ZNF536: variants seen among roughly 807,000 people sequenced by gnomAD.
ZNF536 encodes zinc finger protein 536.
In ZNF536, 13 loss-of-function variants were observed where a neutral mutation model predicts 84.5. The ratio of observed to expected loss-of-function variants is 0.15; its 90% confidence interval spans 0.10 to 0.24. The LOEUF (loss-of-function observed/expected upper bound fraction) is 0.24, where lower values mean the gene tolerates loss of function less well. ZNF536 is among the 10% of genes least tolerant of loss of function. The pLI, the probability that ZNF536 is intolerant of heterozygous loss-of-function variation, is 1.00. For missense variants in ZNF536, 1,536 were observed against 1,747.5 expected, an observed-to-expected ratio of 0.88 and a Z score of 2.16; for synonymous variants, 811 against 742.5, an observed-to-expected ratio of 1.09 and a Z score of -1.50.
At chr19:30,666,461 C>T (rs1264926034) in intron 1 of ZNF536, among the ~76,000 whole-genome samples, 2 of 152,060 alleles carry the variant, frequency 1.3e-5, no homozygotes, top group African/African-American at 2.4e-5. Context: ...CTGGGGATCC[C>T]GGCAGGCACT....
At chr19:30,664,770 G>A (rs2050255360) in intron 1 of ZNF536, among the ~76,000 whole-genome samples, 3 of 152,170 alleles carry the variant, frequency 2.0e-5, no homozygotes, top group Admixed American at 2.0e-4. Flanking sequence ...CAGTGTGGCT[G>A]GCATCAAAGA....
At chr19:30,646,852 T>A (rs191271903) in intron 1 of ZNF536, among the ~76,000 whole-genome samples, 1 of 152,272 alleles carries the variant, frequency 6.6e-6, no homozygotes, top group East Asian at 1.9e-4. Flanking sequence ...AGGCTATTGA[T>A]GTTGTATGTT....
At chr19:30,512,168 G>A (rs2055439354) in intron 2 of ZNF536, among the ~76,000 whole-genome samples, 1 of 152,128 alleles carries the variant, frequency 6.6e-6, no homozygotes, top group African/African-American at 2.4e-5. Context: ...TTAAAATTCA[G>A]AGAATTAGAA....
intron 4 of ZNF536, chr19:30,556,422 T>G (rs1404117942): frequency 1.3e-5 from 2 of 152,292 alleles, no homozygotes; most frequent in African/African-American, 4.8e-5. Flanking sequence ...TCCTGAGCCC[T>G]GCTGTGTGCA....
intron 2 of ZNF536, among the ~76,000 whole-genome samples, chr19:30,295,753 A>G (rs1306620110): frequency 6.6e-6 from 1 of 152,200 alleles, no homozygotes; most frequent in Non-Finnish European, 1.5e-5. Context: ...GTAGAAAAAA[A>G]TGTTTGAAAA....
At chr19:30,515,523 G>A (rs148713858) in intron 2 of ZNF536, among the ~76,000 whole-genome samples, 5 of 152,288 alleles carry the variant, frequency 3.3e-5, no homozygotes, top group Non-Finnish European at 2.9e-5. Context: ...GTCCCGTGCT[G>A]TTAGGACAGA....
chr19:30,630,359 G>A (rs1863949387), intron 1 of ZNF536, among the ~76,000 whole-genome samples: 1 of 152,140 alleles, frequency 6.6e-6, no homozygotes, highest in African/African-American at 2.4e-5. Flanking sequence ...GGATACATCA[G>A]TAAATAAAGC....
chr19:30,405,461 A>G (rs1600592965), intron 1 of ZNF536, among the ~76,000 whole-genome samples: 3 of 152,138 alleles, frequency 2.0e-5, no homozygotes, highest in Admixed American at 6.5e-5. Flanking sequence ...CCTGAACTCC[A>G]TAGGTTCTGA....
At chr19:30,572,308 A>T (rs191709196) in intron 1 of ZNF536, among the ~76,000 whole-genome samples, 1 of 152,264 alleles carries the variant, frequency 6.6e-6, no homozygotes, top group African/African-American at 2.4e-5. Context: ...AGGGGTGTTC[A>T]TCACACTAAG....
intron 1 of ZNF536, among the ~76,000 whole-genome samples, chr19:30,403,571 G>C (rs963261118): frequency 2.0e-5 from 3 of 152,176 alleles, no homozygotes; most frequent in Non-Finnish European, 2.9e-5. Flanking sequence ...TCTTTGGCTG[G>C]TCCAGGGCTA....
chr19:30,398,217 G>A (rs954688446), intron 1 of ZNF536, among the ~76,000 whole-genome samples: 3 of 152,000 alleles, frequency 2.0e-5, no homozygotes, highest in Admixed American at 6.6e-5. Flanking sequence ...ACACAGAAGT[G>A]CTCTTCACCA....
At chr19:30,667,004 C>T (rs1180142025) in intron 1 of ZNF536, among the ~76,000 whole-genome samples, 1 of 152,042 alleles carries the variant, frequency 6.6e-6, no homozygotes, top group African/African-American at 2.4e-5. Context: ...CTGAGTATCG[C>T]CTGACCCTTG....
chr19:30,606,780 G>T (rs2047908766), intron 1 of ZNF536, among the ~76,000 whole-genome samples: 1 of 152,138 alleles, frequency 6.6e-6, no homozygotes, highest in Admixed American at 6.6e-5. Context: ...GCCCTGTCCA[G>T]CTGTGATCCT....
intron 1 of ZNF536, among the ~76,000 whole-genome samples, chr19:30,630,767 C>A (rs952885284): frequency 4.6e-5 from 7 of 152,218 alleles, no homozygotes; most frequent in African/African-American, 1.7e-4. Context: ...AACACCCACC[C>A]AGGGCTTTAG....
intron 2 of ZNF536, among the ~76,000 whole-genome samples, chr19:30,325,775 G>A (rs2047002952): frequency 6.6e-6 from 1 of 152,190 alleles, no homozygotes; most frequent in African/African-American, 2.4e-5. Flanking sequence ...CAACCCAGAT[G>A]TCACTGCTGA....
rs927906792 is a variant in ZNF536, at chr19:30,274,782, A to C, written c.-189-9290A>C. 3.3e-5 allele frequency among the ~76,000 whole-genome samples: 5 copies of C among 152,230 alleles called. No homozygotes were observed. The South Asian group carries it at 6.2e-4, about 19-fold the overall frequency. On this transcript the variant is annotated intron_variant, in intron 1 of 5. Coordinates refer to the ZNF536 transcript ENST00000585628. ...TTATCAAGCAGAATATCAGCACAGCAAGCAGCATTACCTCTGGTAGCACAG... is the reference window on the plus strand; with the variant it reads ...TTATCAAGCAGAATATCAGCACAGCCAGCAGCATTACCTCTGGTAGCACAG...
At chr19:30,484,092 G>A (rs1036121117) in intron 2 of ZNF536, among the ~76,000 whole-genome samples, 4 of 151,890 alleles carry the variant, frequency 2.6e-5, no homozygotes, top group Non-Finnish European at 4.4e-5. Flanking sequence ...CTGCCCCATC[G>A]AATCACAGGT....
At chr19:30,418,613 G>T (rs2147814342) in intron 1 of ZNF536, among the ~76,000 whole-genome samples, 1 of 152,234 alleles carries the variant, frequency 6.6e-6, no homozygotes, top group African/African-American at 2.4e-5. Flanking sequence ...TGGGCATTCT[G>T]CCTAGGGATC....
intron 1 of ZNF536, among the ~76,000 whole-genome samples, chr19:30,591,888 G>A (rs2047289156): frequency 6.6e-6 from 1 of 152,138 alleles, no homozygotes; most frequent in Non-Finnish European, 1.5e-5. Context: ...GGAAAGCTTA[G>A]TACTCACATA....
Sources: gnomAD v4.1 joint callset for allele counts (sites outside exome capture counted in the v4.1 genomes callset) on GRCh38, gnomAD v4.1.1 for gene constraint, MANE v1.5 for transcripts, NCBI Gene and HGNC (gene_info 2026-07-23, HGNC 2026-07-21) for gene names.